Variants in DCP1B observed in about 807,000 individuals in gnomAD.
The protein encoded by DCP1B is decapping mRNA 1B, also known as mRNA-decapping enzyme 1B.
In DCP1B, 47 loss-of-function variants were observed where a neutral mutation model predicts 60.5. That is an observed-to-expected ratio of 0.78 (90% CI 0.61 to 0.99). DCP1B has a LOEUF of 0.99. Ranked by LOEUF, DCP1B falls within the 50% of genes least tolerant of loss-of-function variation. The pLI is 0.00. For missense variants in DCP1B, 725 were observed against 756.8 expected, an observed-to-expected ratio of 0.96 and a Z score of 0.49; for synonymous variants, 267 against 280.3, an observed-to-expected ratio of 0.95 and a Z score of 0.47.
intron 2 of DCP1B, among the ~76,000 whole-genome samples, chr12:1,996,616 T>TAAAAAAAAAAAAAAAAAAAAAAAAA (rs78563698): frequency 5.3e-5 from 1 of 18,832 alleles, no homozygotes; most frequent in Non-Finnish European, 9.5e-5. Context: ...GCTGATGAGC[T>TAAAAAAAAAAAAAAAAAAAAAAAAA]AAAAAAAAAA....
chr12:1,965,680 C>G lies in DCP1B; in HGVS notation c.400G>C (p.Glu134Gln), dbSNP rs1406594666. ...AELMKNLTQY[E>Q]QLKAHQGTGA... ...GTTCCCTGATGGGCTTTCAACTGTT[C>G]ATACTGAGTTAGGCTAGAAAAACAG... is the stretch of plus-strand genomic sequence containing the variant. The change falls in exon 5 of 9, where the codon GAA becomes CAA. Residue 134 changes from glutamate (E) to glutamine (Q), a missense_variant. Transcript: ENST00000280665. The G allele has an allele frequency of 6.2e-7, 1 of 1,610,848 alleles. No individual in the cohort carries two copies. Among genetic ancestry groups the G allele is most frequent in the Admixed American group, 1.7e-5 (1 of 59,282 alleles).
intron 1 of DCP1B, among the ~76,000 whole-genome samples, chr12:2,003,059 G>A (rs2042552890): frequency 6.6e-6 from 1 of 152,178 alleles, no homozygotes; most frequent in East Asian, 1.9e-4. Flanking sequence ...TTGGCTACTA[G>A]GAGAGCAGAC....
intron 3 of DCP1B, 107 bp downstream of exon 3, chr12:1,993,157 C>T (rs780572995): frequency 1.1e-5 from 16 of 1,438,664 alleles, no homozygotes; most frequent in African/African-American, 9.8e-5. Flanking sequence ...TGACACCCCC[C>T]ATAGCCACTG....
chr12:1,965,491 C>T (rs1262293098), intron 5 of DCP1B, 67 bp downstream of exon 5: 2 of 1,490,976 alleles, frequency 1.3e-6, no homozygotes, highest in East Asian at 2.5e-5. Context: ...CCTAGTCTTG[C>T]TAAACAAGAA....
At chr12:1,991,299 T>C (rs2039349063) in intron 3 of DCP1B, 1 of 440,620 alleles carries the variant, frequency 2.3e-6, no homozygotes, top group South Asian at 1.6e-5. Context: ...TTATTAAACA[T>C]GGTAAAATAA....
intron 5 of DCP1B, among the ~76,000 whole-genome samples, chr12:1,960,513 T>G (rs2031084373): frequency 6.6e-6 from 1 of 152,234 alleles, no homozygotes; most frequent in African/African-American, 2.4e-5. Flanking sequence ...TACTGAAAGT[T>G]GCTAAAAGAG....
At chr12:2,001,831 T>C (rs2042259540) in intron 1 of DCP1B, among the ~76,000 whole-genome samples, 1 of 152,176 alleles carries the variant, frequency 6.6e-6, no homozygotes, top group African/African-American at 2.4e-5. Context: ...CTCTACTCTA[T>C]AGATGTCACA....
Position 1,946,140 on chromosome 12 carries a change from A to C in DCP1B, c.*66T>G. The C allele has an allele frequency of 3.2e-6, 4 of 1,259,000 alleles. No homozygotes were observed. The highest frequency in any genetic ancestry group is 4.4e-6 in the Non-Finnish European group (4 of 914,688). 78.0% of individuals were successfully genotyped at this position (1,259,000 alleles called of 1,614,324 possible). ...GAAACATTGAAGGAAACAACACTCA[A>C]CATGAAAGAACCTTGTGCCGGAGTT... On this transcript the variant is annotated 3_prime_UTR_variant, in exon 9 of 9. Transcript: ENST00000280665.
At chr12:1,996,465 A>C (rs1278044427) in intron 2 of DCP1B, among the ~76,000 whole-genome samples, 2 of 151,842 alleles carry the variant, frequency 1.3e-5, no homozygotes, top group Non-Finnish European at 2.9e-5. Context: ...CCTCTATGCA[A>C]GCTAAGTTCC....
Position 1,952,780 on chromosome 12 carries a change from G to A in DCP1B, c.1160C>T (p.Ala387Val), listed in dbSNP as rs148891499. The change falls in exon 7 of 9, where the codon GCT becomes GTT. Residue 387 changes from alanine to valine, a missense_variant. Coordinates refer to ENST00000280665, the MANE Select transcript of DCP1B (RefSeq NM_152640.5). ...AGCCACAGGGGTGACAGAAGTGGGA[G>A]CTCTGCTGCGGTTCAGGGCAGCTGA... ...ASSAALNRSR[A>V]PTSVTPVAPG... 1.2e-6 allele frequency: 2 copies of A among 1,614,186 alleles called. No homozygotes were observed. The highest frequency in any genetic ancestry group is 1.7e-6 in the Non-Finnish European group (2 of 1,180,028).
intron 5 of DCP1B, among the ~76,000 whole-genome samples, chr12:1,957,845 C>G (rs1156997891): frequency 6.6e-6 from 1 of 152,234 alleles, no homozygotes; most frequent in Non-Finnish European, 1.5e-5. Flanking sequence ...GTAAACTAGA[C>G]AGACTTCACT....
chr12:1,972,457 T>G (rs762964911), intron 3 of DCP1B, among the ~76,000 whole-genome samples: 46 of 152,292 alleles, frequency 3.0e-4, no homozygotes, highest in Admixed American at 1.6e-3. Flanking sequence ...ACACAGCTAC[T>G]AGGCATTTGA....
At chr12:1,990,487 G>C (rs2039087506) in intron 3 of DCP1B, among the ~76,000 whole-genome samples, 1 of 151,890 alleles carries the variant, frequency 6.6e-6, no homozygotes, top group Middle Eastern at 3.2e-3. Context: ...AGAGAGTTTG[G>C]GATTTTCATT....
At chr12:1,998,057 G>T in intron 1 of DCP1B, 82 bp from the exon 2 acceptor site, 2 of 1,287,762 alleles carry the variant, frequency 1.6e-6, no homozygotes, top group South Asian at 1.4e-5. Flanking sequence ...CATAGAATAG[G>T]AATTATATAT....
At position 1,965,604 on chromosome 12, in the gene DCP1B, A is replaced by C. The variant is rs1163348012; in HGVS notation, c.476T>G (p.Val159Gly). 6 of 1,613,738 alleles carry C rather than the reference A, an allele frequency of 3.7e-6. No homozygotes were observed. The highest frequency in any genetic ancestry group is 5.1e-6 in the Non-Finnish European group (6 of 1,179,894). Residue 159 changes from valine (V) to glycine (G), a missense_variant, in exon 5 of 9, where the codon GTA becomes GGA. Transcript: ENST00000280665. ...CTTGATGAGCATTCGTAAAATGTCT[A>C]CTTCTTTGCCCTCTCCTGAATTGAG... ...VILNSGEGKE[V>G]DILRMLIKAK...
chr12:1,993,187 T>C (rs2039910191), intron 3 of DCP1B, 77 bp downstream of exon 3: 1 of 1,600,120 alleles, frequency 6.2e-7, no homozygotes, highest in African/African-American at 1.3e-5. Flanking sequence ...GCAAACACAA[T>C]GGCAAACACT....
At chr12:1,955,704 T>C (rs943608987) in intron 5 of DCP1B, 144 bp from the exon 6 acceptor site, 3 of 984,880 alleles carry the variant, frequency 3.0e-6, no homozygotes, top group Non-Finnish European at 4.3e-6. Flanking sequence ...CCCTTAAATT[T>C]CTCTAAGAGC....
In DCP1B at chr12:1,948,999, G is replaced by C; in HGVS notation, c.1773+87C>G. On this transcript the variant is annotated intron_variant, in intron 8 of 8. Coordinates refer to ENST00000280665, the MANE Select transcript of DCP1B (RefSeq NM_152640.5). This position sits in a 1 kb window ranked among gnomAD's most constrained non-coding sequence, Gnocchi z 4.8. ...CTGTTATTCTCACGGAAGCTAAGCA[G>C]GCCTTGGCTGAGTCTTTATCTCATA... 1 of 1,525,974 alleles carries C rather than the reference G, an allele frequency of 6.6e-7. No individual in the cohort carries two copies. The highest frequency in any genetic ancestry group is 2.3e-5 in the East Asian group (1 of 43,906). The allele number at this position is 1,525,974 out of a possible 1,614,324, so 94.5% of individuals were successfully genotyped here. A position where few individuals can be genotyped will look rare whatever the true frequency, so the allele number is the denominator to read the frequency against.
downstream of DCP1B, among the ~76,000 whole-genome samples, chr12:1,943,966 T>C (rs1325651034): frequency 6.6e-6 from 1 of 151,442 alleles, no homozygotes; most frequent in Non-Finnish European, 1.5e-5. Flanking sequence ...AAAGAAATAA[T>C]ATTCAAATAG....
Sources: gnomAD v4.1 joint callset for allele counts (sites outside exome capture counted in the v4.1 genomes callset) on GRCh38, gnomAD v4.1.1 for gene constraint, Gnocchi (gnomAD v3.1) non-coding constraint, MANE v1.5 for transcripts, NCBI Gene and HGNC (gene_info 2026-07-23, HGNC 2026-07-21) for gene names.